RYK: variants seen among roughly 807,000 people sequenced by gnomAD.
RYK encodes inactive tyrosine-protein kinase RYK.
Under a neutral mutation model 70.2 loss-of-function variants are expected in RYK, and 21 were observed. That is an observed-to-expected ratio of 0.30 (90% CI 0.21 to 0.43). The LOEUF is 0.43. Among genes scored for constraint, RYK ranks in the 20% least tolerant of loss-of-function variants. The pLI is 1.00. For missense variants in RYK, 604 were observed against 753.3 expected (o/e 0.80, Z 2.32); for synonymous variants, 267 against 278.0 (o/e 0.96, Z 0.39).
chr3:134,232,269 A>AAAGC (rs2015075479), intron 1 of RYK, among the ~76,000 whole-genome samples: 1 of 152,098 alleles, frequency 6.6e-6, no homozygotes, highest in South Asian at 2.1e-4. Flanking sequence ...GGAGGTTTCC[A>AAAGC]CTTTCACCCA....
intron 13 of RYK, 37 bp from the exon 14 acceptor site, chr3:134,159,410 A>G: frequency 6.5e-7 from 1 of 1,547,644 alleles, no homozygotes; most frequent in South Asian, 1.3e-5. Context: ...GGGGACATTT[A>G]AAACAACAGT....
intron 10 of RYK, chr3:134,179,295 T>C (rs2013212691): frequency 6.6e-6 from 1 of 152,208 alleles, no homozygotes; most frequent in Non-Finnish European, 1.5e-5. Context: ...TGAGCATGTA[T>C]CACTTTTTAA....
intron 1 of RYK, among the ~76,000 whole-genome samples, chr3:134,247,894 T>C (rs2015506912): frequency 6.6e-6 from 1 of 152,214 alleles, no homozygotes; most frequent in South Asian, 2.1e-4. Context: ...TCGTTTCCTA[T>C]GCCAGCGTTC....
At chr3:134,171,543 G>A (rs1428496478) in intron 13 of RYK, among the ~76,000 whole-genome samples, 1 of 152,112 alleles carries the variant, frequency 6.6e-6, no homozygotes, top group African/African-American at 2.4e-5. Context: ...TTATACAATG[G>A]TATACCTACA....
chr3:134,159,523 C>CTA, intron 13 of RYK, 150 bp from the exon 14 acceptor site: 1 of 656,436 alleles, frequency 1.5e-6, no homozygotes, highest in Non-Finnish European at 2.5e-6. Context: ...CTATCATACA[C>CTA]AGTTAGTTTC....
chr3:134,177,155 C>T (rs949948401), intron 11 of RYK, among the ~76,000 whole-genome samples: 43 of 152,266 alleles, frequency 2.8e-4, no homozygotes, highest in African/African-American at 1.0e-3. Flanking sequence ...TATGACAGTA[C>T]TTGGGGCTGA....
At chr3:134,202,698 A>G in intron 6 of RYK, 32 bp downstream of exon 6, 1 of 1,600,100 alleles carries the variant, frequency 6.2e-7, no homozygotes, top group African/African-American at 1.3e-5. Flanking sequence ...AACTGCTTTC[A>G]TTTTTTTTCT....
chr3:134,225,337 A>C (rs1323359532), intron 1 of RYK, among the ~76,000 whole-genome samples: 9 of 152,232 alleles, frequency 5.9e-5, no homozygotes, highest in Non-Finnish European at 1.5e-5. Context: ...GGCAGTACTG[A>C]CATGAGACAA....
intron 13 of RYK, among the ~76,000 whole-genome samples, chr3:134,168,666 T>C (rs931274078): frequency 6.6e-6 from 1 of 151,814 alleles, no homozygotes; most frequent in Non-Finnish European, 1.5e-5. Flanking sequence ...ATATACCTAA[T>C]GTGAATGATG....
chr3:134,240,926 G>T (rs2015306144), intron 1 of RYK, among the ~76,000 whole-genome samples: 1 of 152,154 alleles, frequency 6.6e-6, no homozygotes, highest in African/African-American at 2.4e-5. Context: ...TGATTTCCCT[G>T]CAAGGGCATT....
At chr3:134,192,154 A>G (rs76803140) in intron 7 of RYK, among the ~76,000 whole-genome samples, 180 bp from the exon 8 acceptor site, 3,071 of 152,278 alleles carry the variant, frequency 0.02, 43 homozygotes, top group Non-Finnish European at 0.031. Context: ...AATGTTAAAG[A>G]AATGTCTCCT....
chr3:134,177,003 G>A (rs1031787490), intron 11 of RYK, among the ~76,000 whole-genome samples: 2 of 151,942 alleles, frequency 1.3e-5, no homozygotes, highest in African/African-American at 2.4e-5. Context: ...CTGAGATCAC[G>A]CCACTGCACT....
chr3:134,194,085 AT>A (rs2013736013), intron 7 of RYK, among the ~76,000 whole-genome samples: 1 of 152,142 alleles, frequency 6.6e-6, no homozygotes, highest in Non-Finnish European at 1.5e-5. Flanking sequence ...TGAATCAACT[AT>A]TTTATCAGGA....
chr3:134,177,845 C>G, intron 11 of RYK, 96 bp downstream of exon 11: 1 of 1,101,934 alleles, frequency 9.1e-7, no homozygotes, highest in Non-Finnish European at 1.3e-6. Context: ...TTGCAGGCCT[C>G]TAAACAGTTT....
intron 9 of RYK, among the ~76,000 whole-genome samples, chr3:134,183,735 T>C (rs1211996613): frequency 1.3e-5 from 2 of 152,206 alleles, no homozygotes; most frequent in East Asian, 1.9e-4. Context: ...AGCTCATCTA[T>C]GTACAATGTA....
rs375365757 is a variant in RYK at position 134,207,521 on chromosome 3, A to G, written c.594T>C (p.Leu198=). 24 of 1,536,292 alleles carry G rather than the reference A, an allele frequency of 1.6e-5. No homozygotes were observed. Among genetic ancestry groups the G allele is most frequent in the Non-Finnish European group, 2.0e-5 (23 of 1,136,920 alleles). Residue 198 remains leucine, a synonymous_variant, in exon 5 of 15, where the codon CTT becomes CTC. Coordinates refer to ENST00000623711, the MANE Select transcript of RYK (RefSeq NM_002958.4). ...FKRRKMCYKK[L]EEVKTSALDK... Reference sequence around the variant, plus strand: ...CCAAGGCTGAAGTTTTTACTTCTTCAAGTTCTGAATTTAAAGGAGAAAAAT... The same window carrying G: ...CCAAGGCTGAAGTTTTTACTTCTTCGAGTTCTGAATTTAAAGGAGAAAAAT...
intron 13 of RYK, among the ~76,000 whole-genome samples, chr3:134,163,679 C>T (rs2012560400): frequency 1.3e-5 from 2 of 152,156 alleles, no homozygotes; most frequent in South Asian, 4.1e-4. Context: ...ACTTCAGGAA[C>T]TTACAATGCA....
At chr3:134,194,544 T>C (rs1026249024) in intron 7 of RYK, among the ~76,000 whole-genome samples, 7 of 152,152 alleles carry the variant, frequency 4.6e-5, no homozygotes, top group African/African-American at 1.7e-4. Flanking sequence ...AAAACCACAA[T>C]AGGGCACTGG....
intron 9 of RYK, 124 bp from the exon 10 acceptor site, chr3:134,183,195 G>C (rs2013355726): frequency 4.2e-6 from 2 of 471,784 alleles, no homozygotes; most frequent in African/African-American, 4.0e-5. Flanking sequence ...ATAAGTTACA[G>C]GTAAATCTAA....
Sources: allele counts gnomAD v4.1 joint callset (sites outside exome capture counted in the v4.1 genomes callset), GRCh38; gene constraint gnomAD v4.1.1; transcripts MANE v1.5; gene names NCBI Gene and HGNC (gene_info 2026-07-23, HGNC 2026-07-21).